Variants in ROCK2 observed in about 807,000 individuals in gnomAD.
ROCK2 encodes Rho associated coiled-coil containing protein kinase 2.
A neutral mutation model predicts 195.1 loss-of-function variants in ROCK2; 61 were observed. The observed-to-expected ratio is 0.31, with a 90% CI of 0.25 to 0.39. The LOEUF (loss-of-function observed/expected upper bound fraction) is 0.39. Ranked by LOEUF, ROCK2 falls within the 10% of genes least tolerant of loss-of-function variation. ROCK2 has a pLI of 1.00. For synonymous variants in ROCK2, 504 were observed against 545.5 expected (o/e 0.92, Z 1.06); for missense variants, 1,109 against 1,637.4 (o/e 0.68, Z 5.57).
chr2:11,321,685 G>A (rs184648591), intron 1 of ROCK2, among the ~76,000 whole-genome samples: 3 of 152,008 alleles, frequency 2.0e-5, no homozygotes, highest in East Asian at 1.9e-4. Flanking sequence ...ACAGGAAAGC[G>A]ACCAGTTTAC....
intron 4 of ROCK2, among the ~76,000 whole-genome samples, chr2:11,236,247 A>G (rs973768896): frequency 4.6e-5 from 7 of 152,192 alleles, no homozygotes; most frequent in African/African-American, 1.7e-4. Flanking sequence ...TTAAGAAAGA[A>G]ACAAACAGGA....
intron 3 of ROCK2, among the ~76,000 whole-genome samples, chr2:11,258,127 C>T (rs1482828704): frequency 6.6e-6 from 1 of 151,294 alleles, no homozygotes; most frequent in Non-Finnish European, 1.5e-5. Flanking sequence ...ACAGGAAACT[C>T]CATGAGGGCT....
intron 4 of ROCK2, among the ~76,000 whole-genome samples, chr2:11,249,323 T>C (rs1665744828): frequency 6.6e-6 from 1 of 152,242 alleles, no homozygotes; most frequent in Non-Finnish European, 1.5e-5. Context: ...TCCTTCCAGA[T>C]GATTCAATGA....
intron 5 of ROCK2, among the ~76,000 whole-genome samples, chr2:11,228,510 A>G (rs935881013): frequency 2.0e-5 from 3 of 152,180 alleles, no homozygotes; most frequent in African/African-American, 7.2e-5. Flanking sequence ...TAATTGAGCA[A>G]ACCATGGGAG....
chr2:11,283,469 G>A (rs1572358331), intron 3 of ROCK2, among the ~76,000 whole-genome samples: 1 of 148,804 alleles, frequency 6.7e-6, no homozygotes, highest in South Asian at 2.2e-4. Flanking sequence ...GCTGAGGCAG[G>A]AGAATGGCGT....
chr2:11,284,445 C>A (rs1192249292), intron 3 of ROCK2, among the ~76,000 whole-genome samples: 1 of 152,114 alleles, frequency 6.6e-6, no homozygotes, highest in Non-Finnish European at 1.5e-5. Context: ...AACAAATGTA[C>A]TCTAATGAGG....
Position 11,317,601 on chromosome 2 carries a change from TA to T in ROCK2, c.141+26394del, listed in dbSNP as rs1173402592. On this transcript the variant is annotated intron_variant, in intron 1 of 32. Transcript: ENST00000315872. ...TTATATATATATATATATATATATA[TA>T]TATATATATATTTTTTTTTTTTTTT... Among the ~76,000 whole-genome samples, 59 of 18,570 alleles carry T rather than the reference TA, an allele frequency of 3.2e-3. 3 individuals carry two copies. The highest frequency in any genetic ancestry group is 9.6e-3 in the African/African-American group (57 of 5,928). 12.2% of individuals were successfully genotyped at this position (18,570 alleles called of 152,430 possible).
chr2:11,215,425 G>T lies in ROCK2; in HGVS notation c.1598-13C>A. The T allele has an allele frequency of 6.2e-7, 1 of 1,601,786 alleles. No individual in the cohort carries two copies. Among genetic ancestry groups the T allele is most frequent in the Non-Finnish European group, 8.5e-7 (1 of 1,174,560 alleles). ...TTTAAGCTGTTAACTATGATAAAAA[G>T]CATTTCAGTGGCAAGCTTAGCATAA... On this transcript the variant is annotated splice_polypyrimidine_tract_variant and intron_variant, in intron 14 of 32. Transcript: ENST00000315872.
intron 3 of ROCK2, among the ~76,000 whole-genome samples, chr2:11,279,198 T>G (rs1418374726): frequency 6.6e-6 from 1 of 152,158 alleles, no homozygotes; most frequent in Non-Finnish European, 1.5e-5. Flanking sequence ...ACAATCACTT[T>G]GAATGTCACA....
chr2:11,244,906 TTAGAG>T (rs986199279), intron 4 of ROCK2, among the ~76,000 whole-genome samples: 3 of 152,130 alleles, frequency 2.0e-5, no homozygotes, highest in African/African-American at 4.8e-5. Flanking sequence ...ATTATGTCTA[TTAGAG>T]TAGTCTTACC....
intron 1 of ROCK2, among the ~76,000 whole-genome samples, chr2:11,303,944 C>T (rs534637001): frequency 1.3e-5 from 2 of 152,138 alleles, no homozygotes; most frequent in African/African-American, 4.8e-5. Flanking sequence ...ACTGCCTTGC[C>T]CTATTATTTT....
At chr2:11,249,871 T>C (rs1665766220) in intron 3 of ROCK2, 73 bp from the exon 4 acceptor site, 1 of 1,215,026 alleles carries the variant, frequency 8.2e-7, no homozygotes, top group Non-Finnish European at 1.1e-6. Context: ...GATACTATAA[T>C]GCTATTATTA....
chr2:11,311,767 GCACA>G lies in ROCK2; in HGVS notation c.142-24035_142-24032del, dbSNP rs72036284. On this transcript the variant is annotated intron_variant, in intron 1 of 32. Coordinates refer to ENST00000315872, the MANE Select transcript of ROCK2 (RefSeq NM_004850.5). The stretch of plus-strand genomic sequence containing the variant: ...ATCGAGAGAAAGCGCACACGCGCGT[GCACA>G]CACACACACACACACCCCTATAGGA... 7.3e-3 allele frequency among the ~76,000 whole-genome samples: 1,095 copies of G among 150,282 alleles called. 11 individuals carry two copies. The highest frequency in any genetic ancestry group is 0.025 in the African/African-American group (1,028 of 41,160).
Position 11,209,806 on chromosome 2 carries a change from T to C in ROCK2, c.2204-1359A>G, listed in dbSNP as rs138969227. Among the ~76,000 whole-genome samples the C allele has an allele frequency of 8.9e-3, 1,357 of 152,298 alleles. 15 individuals are homozygous for C. The highest frequency in any genetic ancestry group is 0.031 in the African/African-American group (1,280 of 41,558). On this transcript the variant is annotated intron_variant, in intron 18 of 32. Transcript: ENST00000315872. ...TAGGTAAAAATTAAACCTATGAATA[T>C]TTAGTGTTTAATGAATGGTCTTCAA...
intron 13 of ROCK2, 144 bp downstream of exon 13, chr2:11,216,014 C>A: frequency 1.5e-6 from 1 of 657,278 alleles, no homozygotes; most frequent in South Asian, 2.0e-5. Context: ...ACATGATTTC[C>A]CTATAATTTA....
intron 1 of ROCK2, among the ~76,000 whole-genome samples, chr2:11,332,141 T>TAA (rs56733434): frequency 2.7e-5 from 4 of 145,808 alleles, no homozygotes; most frequent in African/African-American, 1.0e-4. Flanking sequence ...CCCCATCTCT[T>TAA]AAAAAAAAAA....
intron 1 of ROCK2, chr2:11,307,981 C>T: frequency 6.7e-7 from 1 of 1,490,802 alleles, no homozygotes; most frequent in East Asian, 2.5e-5. Flanking sequence ...TAGAACCCGG[C>T]CTTGCTGGGG....
chr2:11,321,263 C>T (rs952306298), intron 1 of ROCK2, among the ~76,000 whole-genome samples: 1 of 152,236 alleles, frequency 6.6e-6, no homozygotes, highest in East Asian at 2.0e-4. Context: ...GCAACCTCCG[C>T]CTCCAACGTT....
At chr2:11,236,365 G>T (rs1665204103) in intron 4 of ROCK2, among the ~76,000 whole-genome samples, 1 of 152,058 alleles carries the variant, frequency 6.6e-6, no homozygotes, top group South Asian at 2.1e-4. Context: ...AAGAGCAGAG[G>T]AGGTAGGAGC....
Sources: allele counts gnomAD v4.1 joint callset (sites outside exome capture counted in the v4.1 genomes callset), GRCh38; gene constraint gnomAD v4.1.1; transcripts MANE v1.5; gene names NCBI Gene and HGNC (gene_info 2026-07-23, HGNC 2026-07-21).